HSPA12A: variants seen among roughly 807,000 people sequenced by gnomAD.
HSPA12A encodes heat shock 70 kDa protein 12A.
HSPA12A carries 28 observed loss-of-function variants against 69.2 expected under a neutral mutation model. That is an observed-to-expected ratio of 0.40 (90% CI 0.30 to 0.55). The LOEUF is 0.55. HSPA12A is among the 20% of genes least tolerant of loss of function. The pLI is 0.38. For synonymous variants in HSPA12A, 345 were observed against 370.5 expected (o/e 0.93, Z 0.79); for missense variants, 686 against 900.7 (o/e 0.76, Z 3.05).
chr10:116,680,025 T>C (rs1554878365), intron 9 of HSPA12A, among the ~76,000 whole-genome samples: 2 of 152,192 alleles, frequency 1.3e-5, no homozygotes, highest in African/African-American at 4.8e-5. Context: ...GTTTTCACCC[T>C]TGTTGCCCAG....
intron 2 of HSPA12A, among the ~76,000 whole-genome samples, chr10:116,833,726 G>A (rs768098547): frequency 1.8e-4 from 28 of 152,230 alleles, no homozygotes; most frequent in Non-Finnish European, 2.9e-4. Context: ...AGCATTGATC[G>A]GGATGCTTTC....
At chr10:116,742,666 CGA>C, upstream of HSPA12A, 1 of 926,412 alleles carries the variant, frequency 1.1e-6, no homozygotes, top group East Asian at 1.1e-4. Flanking sequence ...CCCGCCCCTC[CGA>C]GCTCGGGCCG....
In HSPA12A at chr10:116,676,391, A is replaced by G. The variant is rs782497457; in HGVS notation, c.1390+8T>C. 3 of 1,610,652 alleles carry G rather than the reference A, an allele frequency of 1.9e-6. No individual in the cohort carries two copies. Among genetic ancestry groups the G allele is most frequent in the Non-Finnish European group, 2.5e-6 (3 of 1,177,516 alleles). ...CTCGCCGAGTGGCCGAGCCTGGCTG[A>G]TACTTACGGAGATGCTCAATGATGC... is the stretch of plus-strand genomic sequence containing the variant. On this transcript the variant is annotated splice_region_variant and intron_variant, in intron 11 of 11. Transcript: ENST00000369209.
upstream of HSPA12A, chr10:116,742,708 G>C: frequency 1.6e-6 from 1 of 624,982 alleles, no homozygotes; most frequent in South Asian, 7.1e-5. Context: ...GGCGGGCGCG[G>C]GGAACTGCCT....
At chr10:116,703,808 G>T (rs1473739841) in intron 3 of HSPA12A, among the ~76,000 whole-genome samples, 1 of 152,180 alleles carries the variant, frequency 6.6e-6, no homozygotes, top group Non-Finnish European at 1.5e-5. Context: ...GGAAGGGAAG[G>T]GGGCATCCCA....
At chr10:116,729,958 G>A (rs1240667582) in intron 1 of HSPA12A, among the ~76,000 whole-genome samples, 2 of 152,202 alleles carry the variant, frequency 1.3e-5, no homozygotes, top group Non-Finnish European at 2.9e-5. Flanking sequence ...GGTGGCTTAC[G>A]CCTGTAATCC....
intron 1 of HSPA12A, among the ~76,000 whole-genome samples, chr10:116,732,194 G>A (rs1271174470): frequency 1.3e-5 from 2 of 151,882 alleles, no homozygotes; most frequent in African/African-American, 4.8e-5. Context: ...GCTGGGTGTG[G>A]TGGTGCATGC....
intron 1 of HSPA12A, among the ~76,000 whole-genome samples, chr10:116,714,047 G>C (rs987072647): frequency 6.6e-6 from 1 of 151,024 alleles, no homozygotes; most frequent in Non-Finnish European, 1.5e-5. Context: ...TGGGTGGATG[G>C]TGGGTGGATG....
chr10:116,783,750 C>A (rs1867989), intron 2 of HSPA12A, among the ~76,000 whole-genome samples: 1 of 152,244 alleles, frequency 6.6e-6, no homozygotes, highest in African/African-American at 2.4e-5. Context: ...GTCTCACTCT[C>A]TTGCCCAGGC....
intron 9 of HSPA12A, 90 bp downstream of exon 9, chr10:116,681,062 G>A: frequency 1.2e-6 from 1 of 857,562 alleles, no homozygotes. Flanking sequence ...GCATTCAAGA[G>A]AATAAAACTG....
At chr10:116,816,456 G>C (rs550364918) in intron 2 of HSPA12A, among the ~76,000 whole-genome samples, 1 of 152,210 alleles carries the variant, frequency 6.6e-6, no homozygotes, top group East Asian at 1.9e-4. Context: ...TTTTCTCCGA[G>C]GCCTGGAGTT....
At chr10:116,731,336 G>C (rs1171470182) in intron 1 of HSPA12A, among the ~76,000 whole-genome samples, 1 of 152,204 alleles carries the variant, frequency 6.6e-6, no homozygotes, top group African/African-American at 2.4e-5. Flanking sequence ...AGGTCTAGGA[G>C]GGGAAAGTGA....
chr10:116,747,436 G>A (rs903543411), upstream of HSPA12A, among the ~76,000 whole-genome samples: 5 of 152,206 alleles, frequency 3.3e-5, no homozygotes, highest in Admixed American at 6.5e-5. Context: ...CAAAGCTGCC[G>A]GTTCATTAAT....
chr10:116,841,484 T>C (rs1353701652), intron 1 of HSPA12A, among the ~76,000 whole-genome samples: 1 of 152,204 alleles, frequency 6.6e-6, no homozygotes, highest in African/African-American at 2.4e-5. Context: ...GGATTAATCA[T>C]ACATTATCCC....
chr10:116,827,924 A>G (rs1004638614), intron 2 of HSPA12A, among the ~76,000 whole-genome samples: 1 of 152,152 alleles, frequency 6.6e-6, no homozygotes, highest in Non-Finnish European at 1.5e-5. Flanking sequence ...GCATATAGAT[A>G]TGACCAATTG....
At chr10:116,690,610 T>C (rs1348025280) in intron 6 of HSPA12A, among the ~76,000 whole-genome samples, 1 of 152,108 alleles carries the variant, frequency 6.6e-6, no homozygotes, top group African/African-American at 2.4e-5. Context: ...ACAGCTCACA[T>C]CTGTCCTCAC....
At chr10:116,780,254 T>A (rs1844434894) in intron 2 of HSPA12A, among the ~76,000 whole-genome samples, 1 of 152,212 alleles carries the variant, frequency 6.6e-6, no homozygotes, top group South Asian at 2.1e-4. Flanking sequence ...TTGAGTCCAA[T>A]TCTTAACCTT....
At chr10:116,815,236 A>G (rs1420077671) in intron 2 of HSPA12A, among the ~76,000 whole-genome samples, 2 of 115,074 alleles carry the variant, frequency 1.7e-5, no homozygotes, top group African/African-American at 3.5e-5. Flanking sequence ...CCTCTGCCTC[A>G]GATCCAAAAG....
intron 2 of HSPA12A, among the ~76,000 whole-genome samples, chr10:116,810,368 A>G (rs969867550): frequency 6.6e-6 from 1 of 152,074 alleles, no homozygotes; most frequent in Non-Finnish European, 1.5e-5. Context: ...ACCTTTGGCC[A>G]TTGTAAACCC....
Sources: allele counts gnomAD v4.1 joint callset (sites outside exome capture counted in the v4.1 genomes callset), GRCh38; gene constraint gnomAD v4.1.1; transcripts MANE v1.5; gene names NCBI Gene and HGNC (gene_info 2026-07-23, HGNC 2026-07-21).